Variants in KLHDC10 observed in about 807,000 individuals in gnomAD.
KLHDC10 encodes the protein kelch domain containing 10.
A neutral mutation model predicts 56.1 loss-of-function variants in KLHDC10; 24 were observed. That is an observed-to-expected ratio of 0.43 (90% CI 0.31 to 0.60). KLHDC10 has a LOEUF of 0.60. Among genes scored for constraint, KLHDC10 ranks in the 20% least tolerant of loss-of-function variants. The pLI is 0.11. For synonymous variants in KLHDC10, 188 were observed against 207.1 expected (o/e 0.91, Z 0.79); for missense variants, 349 against 567.0 (o/e 0.62, Z 3.91).
intron 1 of KLHDC10, among the ~76,000 whole-genome samples, chr7:130,091,249 G>T (rs1307558866): frequency 1.3e-5 from 2 of 152,060 alleles, no homozygotes; most frequent in Non-Finnish European, 2.9e-5. Flanking sequence ...TAGTTTTGTA[G>T]GAAACTGCCA....
chr7:130,119,068 G>A (rs1404406610), intron 3 of KLHDC10, among the ~76,000 whole-genome samples: 1 of 151,504 alleles, frequency 6.6e-6, no homozygotes, highest in African/African-American at 2.4e-5. Flanking sequence ...AATTAGCTGG[G>A]CATAGTGGCC....
intron 1 of KLHDC10, among the ~76,000 whole-genome samples, chr7:130,080,907 G>A (rs1027691599): frequency 6.6e-6 from 1 of 151,776 alleles, no homozygotes; most frequent in East Asian, 1.9e-4. Flanking sequence ...ATTATGTGAG[G>A]CTTTGCCCTT....
intron 8 of KLHDC10, 80 bp downstream of exon 8, chr7:130,127,531 C>A: frequency 1.0e-6 from 1 of 979,334 alleles, no homozygotes; most frequent in Non-Finnish European, 1.6e-6. Flanking sequence ...AGATAGCCCC[C>A]TCAAAAGAGG....
chr7:130,128,571 T>C (rs1796343854), intron 8 of KLHDC10, among the ~76,000 whole-genome samples: 1 of 152,124 alleles, frequency 6.6e-6, no homozygotes, highest in Non-Finnish European at 1.5e-5. Context: ...CTCTTTTGTG[T>C]TCCTAAACTG....
In KLHDC10 at chr7:130,127,435, T is replaced by C. The variant is rs757610444; in HGVS notation, c.963T>C (p.Cys321=). 1.1e-5 allele frequency: 18 copies of C among 1,612,688 alleles called. No individual in the cohort carries two copies. The South Asian group carries it at 2.0e-4, about 18-fold the overall frequency. ...CTGCAGCCCGAAGGTGTCACAGTTG[T>C]GTTCAAATAAAAAATGGTAAGGATT... The part of the protein sequence containing the change: ...GFPAARRCHS[C]VQIKNDVFIC... Residue 321 remains cysteine (C), a synonymous_variant, in exon 8 of 10, where the codon TGT becomes TGC. Coordinates refer to ENST00000335420, the MANE Select transcript of KLHDC10 (RefSeq NM_014997.4).
Position 130,132,966 on chromosome 7 carries a change from T to G in KLHDC10, c.*2220T>G, listed in dbSNP as rs1013610464. ...TGAAGAGAGATGTGGTCTGGTTCCA[T>G]CCATACTTGCTGGCATCCTTTGTTA... On this transcript the variant is annotated 3_prime_UTR_variant, in exon 10 of 10. Coordinates refer to ENST00000335420, the MANE Select transcript of KLHDC10 (RefSeq NM_014997.4). The G allele has an allele frequency of 5.3e-5, 8 of 152,258 alleles. No homozygotes were observed. Among genetic ancestry groups the G allele is most frequent in the Non-Finnish European group, 1.2e-4 (8 of 68,066 alleles). 9.4% of individuals were successfully genotyped at this position (152,258 alleles called of 1,614,324 possible). A position where few individuals can be genotyped will look rare whatever the true frequency, so the allele number is the denominator to read the frequency against.
At chr7:130,078,060 C>A (rs903749883) in intron 1 of KLHDC10, among the ~76,000 whole-genome samples, 2 of 150,152 alleles carry the variant, frequency 1.3e-5, no homozygotes, top group Non-Finnish European at 3.0e-5. Flanking sequence ...TTCTCCTTTT[C>A]ATTTTTTTTT....
intron 1 of KLHDC10, among the ~76,000 whole-genome samples, chr7:130,076,476 T>A (rs1341852709): frequency 6.6e-6 from 1 of 152,202 alleles, no homozygotes; most frequent in Non-Finnish European, 1.5e-5. Flanking sequence ...GTTGTGAAAT[T>A]TATCAGTCTT....
intron 3 of KLHDC10, among the ~76,000 whole-genome samples, chr7:130,118,169 C>T (rs1796196616): frequency 1.3e-5 from 2 of 151,756 alleles, no homozygotes; most frequent in African/African-American, 4.8e-5. Flanking sequence ...AGTGAGACTC[C>T]GTTTCAAAAA....
In KLHDC10 at chr7:130,070,717, GC is replaced by G; in HGVS notation, c.75del (p.Ser25ArgfsTer52). The G allele has an allele frequency of 7.8e-7, 1 of 1,286,474 alleles. No homozygotes were observed. The highest frequency in any genetic ancestry group is 2.4e-5 in the South Asian group (1 of 40,956). The allele number at this position is 1,286,474 out of a possible 1,614,324, so 79.7% of individuals were successfully genotyped here. On this transcript the variant is annotated frameshift_variant, in exon 1 of 10. Coordinates refer to ENST00000335420, the MANE Select transcript of KLHDC10 (RefSeq NM_014997.4). LOFTEE classifies it high-confidence loss of function. ...GCCGCCGGCGCTGGTGGCGGAGGTA[GC>G]GGGGCCGGCGGGGGCAGTGGGGGCA... ...GGAAGAGGGGSGAGGGSGGSG... is the reference protein window; with the variant it reads ...GGAAGAGGGGXGAGGGSGGSG...
At chr7:130,088,302 G>A (rs909692980) in intron 1 of KLHDC10, among the ~76,000 whole-genome samples, 29 of 150,050 alleles carry the variant, frequency 1.9e-4, no homozygotes, top group Non-Finnish European at 1.6e-4. Flanking sequence ...TTGAGACTTA[G>A]TCTGGCTCTG....
chr7:130,109,210 CTCTTT>C (rs554242606), intron 2 of KLHDC10, among the ~76,000 whole-genome samples: 912 of 83,794 alleles, frequency 0.011, 5 homozygotes, highest in Non-Finnish European at 0.018. Context: ...CCCAGCAGGT[CTCTTT>C]TTTTTTTTTT....
intron 7 of KLHDC10, among the ~76,000 whole-genome samples, chr7:130,126,362 T>C (rs111231951): frequency 0.015 from 2,221 of 152,124 alleles, 46 homozygotes; most frequent in African/African-American, 0.05. Context: ...AAAATACTTG[T>C]ATTCCTTAGC....
chr7:130,072,351 T>A (rs1477007872), intron 1 of KLHDC10, among the ~76,000 whole-genome samples: 1 of 152,188 alleles, frequency 6.6e-6, no homozygotes, highest in Non-Finnish European at 1.5e-5. Flanking sequence ...GTGGAAGCCA[T>A]GATTTCTGCT....
intron 2 of KLHDC10, among the ~76,000 whole-genome samples, chr7:130,108,441 G>C (rs539273250): frequency 6.6e-6 from 1 of 151,372 alleles, no homozygotes; most frequent in Admixed American, 6.6e-5. Context: ...GGTGGCTCAC[G>C]CCTGTAATCC....
chr7:130,085,613 T>C (rs1340465664), intron 1 of KLHDC10, among the ~76,000 whole-genome samples: 4 of 151,630 alleles, frequency 2.6e-5, no homozygotes, highest in Non-Finnish European at 5.9e-5. Context: ...GGTGGGTGGA[T>C]CACCTGAGGT....
intron 1 of KLHDC10, among the ~76,000 whole-genome samples, chr7:130,087,098 A>G (rs936636378): frequency 2.0e-5 from 3 of 152,248 alleles, no homozygotes; most frequent in African/African-American, 7.2e-5. Flanking sequence ...AGCAAGGGAC[A>G]GAGCTAGGAT....
At chr7:130,099,404 T>A (rs1199655626) in intron 2 of KLHDC10, among the ~76,000 whole-genome samples, 1 of 152,154 alleles carries the variant, frequency 6.6e-6, no homozygotes, top group Non-Finnish European at 1.5e-5. Context: ...ACAGAATAAT[T>A]TGAGTATAAT....
chr7:130,116,411 G>A lies in KLHDC10; in HGVS notation c.254-34G>A, dbSNP rs1308274093. On this transcript the variant is annotated intron_variant, in intron 2 of 9. Transcript: ENST00000335420. The surrounding 1 kb of genome is among the most constrained non-coding windows in gnomAD (Gnocchi z 4.8). ...TTTGTTTGTGCTTTTAAACTGGTAGGACACCTGTGGAAAACTGTCCTCTTC... is the reference window on the plus strand; with the variant it reads ...TTTGTTTGTGCTTTTAAACTGGTAGAACACCTGTGGAAAACTGTCCTCTTC... 1.3e-6 allele frequency: 2 copies of A among 1,554,986 alleles called. No homozygotes were observed. The highest frequency in any genetic ancestry group is 1.8e-6 in the Non-Finnish European group (2 of 1,134,070).
Sources: gnomAD v4.1 joint callset for allele counts (sites outside exome capture counted in the v4.1 genomes callset) on GRCh38, gnomAD v4.1.1 for gene constraint, Gnocchi (gnomAD v3.1) non-coding constraint, MANE v1.5 for transcripts, NCBI Gene and HGNC (gene_info 2026-07-23, HGNC 2026-07-21) for gene names.